The following IQGAP2 variants were observed in gnomAD, a reference collection of about 807,000 sequenced individuals.
IQGAP2 encodes the protein ras GTPase-activating-like protein IQGAP2.
Under a neutral mutation model 201.3 loss-of-function variants are expected in IQGAP2, and 173 were observed. The ratio of observed to expected loss-of-function variants is 0.86; its 90% CI spans 0.76 to 0.98. The LOEUF (loss-of-function observed/expected upper bound fraction) is 0.98. Ranked by LOEUF, IQGAP2 falls within the 50% of genes least tolerant of loss-of-function variation. The pLI, the probability that IQGAP2 is intolerant of heterozygous loss-of-function variation, is 0.00. For missense variants in IQGAP2, 1,687 were observed against 1,864.8 expected, an observed-to-expected ratio of 0.90 and a Z score of 1.76; for synonymous variants, 675 against 673.9, an observed-to-expected ratio of 1.00 and a Z score of -0.03.
intron 2 of IQGAP2, among the ~76,000 whole-genome samples, chr5:76,477,844 G>A (rs932305388): frequency 6.7e-6 from 1 of 150,262 alleles, no homozygotes; most frequent in African/African-American, 2.5e-5. Context: ...GTGTGTTTGT[G>A]TCTTAGTTTA....
At chr5:76,696,298 T>C (rs1041736124) in intron 32 of IQGAP2, among the ~76,000 whole-genome samples, 2 of 152,214 alleles carry the variant, frequency 1.3e-5, no homozygotes, top group African/African-American at 4.8e-5. Flanking sequence ...AACCTGCCAC[T>C]GAGATGGAAC....
Position 76,658,545 on chromosome 5 carries a change from G to A in IQGAP2, c.2407G>A (p.Glu803Lys). Residue 803 changes from glutamate (E) to lysine (K), a missense_variant, in exon 21 of 36, where the codon GAG becomes AAG. Glu to Lys is a moderately conservative substitution (Grantham distance 56). Coordinates refer to ENST00000274364, the MANE Select transcript of IQGAP2 (RefSeq NM_006633.5). Reference protein sequence around the residue: ...QSDLDFQEELEVARLREEVVT... With the variant: ...QSDLDFQEELKVARLREEVVT... ...TGATTTGGATTTCCAGGAGGAACTA[G>A]AGGTTGCACGATTAAGGGAAGAAGT... 1.9e-6 allele frequency: 3 copies of A among 1,614,082 alleles called. No homozygotes were observed. The highest frequency in any genetic ancestry group is 1.7e-6 in the Non-Finnish European group (2 of 1,179,988).
At chr5:76,597,150 G>T (rs907473035) in intron 9 of IQGAP2, 4 of 364,316 alleles carry the variant, frequency 1.1e-5, no homozygotes, top group African/African-American at 8.3e-5. Context: ...TGAGACCAGA[G>T]CTGGTCCTAT....
intron 2 of IQGAP2, among the ~76,000 whole-genome samples, chr5:76,557,151 G>C (rs913770545): frequency 6.6e-6 from 1 of 152,202 alleles, no homozygotes; most frequent in Non-Finnish European, 1.5e-5. Flanking sequence ...CACTAGGCTA[G>C]AGGATTCAGT....
At chr5:76,685,409 T>A (rs969364006) in intron 30 of IQGAP2, among the ~76,000 whole-genome samples, 1 of 152,222 alleles carries the variant, frequency 6.6e-6, no homozygotes, top group Non-Finnish European at 1.5e-5. Context: ...TGTCTGCTAT[T>A]TGAACATCAT....
At chr5:76,511,805 C>T (rs1026451886) in intron 2 of IQGAP2, among the ~76,000 whole-genome samples, 13 of 151,676 alleles carry the variant, frequency 8.6e-5, no homozygotes, top group Admixed American at 2.6e-4. Context: ...CTCAGCCTCC[C>T]GAGTAGCTGG....
At chr5:76,614,025 A>C (rs927788826) in intron 13 of IQGAP2, among the ~76,000 whole-genome samples, 1 of 152,146 alleles carries the variant, frequency 6.6e-6, no homozygotes, top group African/African-American at 2.4e-5. Flanking sequence ...AGTCTGCTGA[A>C]TTTACACACC....
intron 2 of IQGAP2, among the ~76,000 whole-genome samples, chr5:76,511,923 G>A (rs964908848): frequency 8.5e-5 from 13 of 152,086 alleles, no homozygotes; most frequent in East Asian, 7.7e-4. Flanking sequence ...CTCGTGATCC[G>A]CCCGCCTCGG....
chr5:76,686,749 T>C (rs1240668452), intron 30 of IQGAP2, among the ~76,000 whole-genome samples: 1 of 152,170 alleles, frequency 6.6e-6, no homozygotes, highest in East Asian at 1.9e-4. Context: ...GACCTCATGA[T>C]CCGCCCACCT....
chr5:76,635,402 A>C (rs1323257558), intron 15 of IQGAP2, among the ~76,000 whole-genome samples: 1 of 152,186 alleles, frequency 6.6e-6, no homozygotes, highest in East Asian at 1.9e-4. Flanking sequence ...CCAACTAACA[A>C]ATTTTTTACT....
In IQGAP2 at chr5:76,654,282, T is replaced by A. The variant is rs1208992254; in HGVS notation, c.2250+11T>A. ...TATTTCAGAGATCATGTAAGAAAAA[T>A]GCCTGTGGGATTTTATCCAGGTTGA... On this transcript the variant is annotated intron_variant, in intron 19 of 35. Coordinates refer to ENST00000274364, the MANE Select transcript of IQGAP2 (RefSeq NM_006633.5). 3 of 1,570,746 alleles carry A rather than the reference T, an allele frequency of 1.9e-6. No homozygotes were observed. The highest frequency in any genetic ancestry group is 2.6e-6 in the Non-Finnish European group (3 of 1,148,038).
chr5:76,651,695 G>C (rs992201925), intron 17 of IQGAP2, among the ~76,000 whole-genome samples: 2 of 151,938 alleles, frequency 1.3e-5, no homozygotes, highest in Admixed American at 6.6e-5. Context: ...ATAATCTTTT[G>C]TCCTTCCTGT....
At chr5:76,475,714 G>T (rs1755376196) in intron 2 of IQGAP2, among the ~76,000 whole-genome samples, 1 of 152,112 alleles carries the variant, frequency 6.6e-6, no homozygotes, top group South Asian at 2.1e-4. Flanking sequence ...GTTTTGCTGG[G>T]ATGGTAGTTA....
chr5:76,625,483 G>A (rs749340675), intron 13 of IQGAP2, among the ~76,000 whole-genome samples: 39 of 151,948 alleles, frequency 2.6e-4, no homozygotes, highest in African/African-American at 8.2e-4. Flanking sequence ...CTTTCCACCC[G>A]GCTTCCTGTT....
intron 4 of IQGAP2, among the ~76,000 whole-genome samples, chr5:76,571,851 A>C (rs1455439404): frequency 6.6e-6 from 1 of 152,220 alleles, no homozygotes; most frequent in East Asian, 1.9e-4. Context: ...AAACTAGACT[A>C]CAGACCTTTT....
Position 76,693,445 on chromosome 5 carries a change from A to G in IQGAP2, c.3993+3A>G, listed in dbSNP as rs772530776. The G allele has an allele frequency of 6.3e-7, 1 of 1,586,328 alleles. No homozygotes were observed. Among genetic ancestry groups the G allele is most frequent in the Non-Finnish European group, 8.7e-7 (1 of 1,155,684 alleles). On this transcript the variant is annotated splice_donor_region_variant and intron_variant, in intron 31 of 35. Coordinates refer to ENST00000274364, the MANE Select transcript of IQGAP2 (RefSeq NM_006633.5). Reference sequence around the variant, plus strand: ...AGACACCAGCAACTGCGCAACAGGTAATTTGACTTTAAGTGTAAAATAATA... The same window carrying G: ...AGACACCAGCAACTGCGCAACAGGTGATTTGACTTTAAGTGTAAAATAATA...
At chr5:76,551,558 G>A (rs900726781) in intron 2 of IQGAP2, among the ~76,000 whole-genome samples, 1 of 152,126 alleles carries the variant, frequency 6.6e-6, no homozygotes, top group Non-Finnish European at 1.5e-5. Flanking sequence ...ACTCCAGCCT[G>A]GGCAACATTG....
chr5:76,605,989 T>C (rs1466023102), intron 11 of IQGAP2, among the ~76,000 whole-genome samples, 190 bp from the exon 12 acceptor site: 1 of 152,200 alleles, frequency 6.6e-6, no homozygotes, highest in Non-Finnish European at 1.5e-5. Flanking sequence ...AAAAATACTT[T>C]AAGAAAACAC....
chr5:76,622,666 ACTC>A (rs923588430), intron 13 of IQGAP2, among the ~76,000 whole-genome samples: 3 of 152,076 alleles, frequency 2.0e-5, no homozygotes, highest in African/African-American at 7.2e-5. Flanking sequence ...GGTAGGGAGA[ACTC>A]CCCACTTAAA....
Sources: allele counts gnomAD v4.1 joint callset (sites outside exome capture counted in the v4.1 genomes callset), GRCh38; gene constraint gnomAD v4.1.1; transcripts MANE v1.5; gene names NCBI Gene and HGNC (gene_info 2026-07-23, HGNC 2026-07-21).